The following GRHL2 variants were observed in gnomAD, a reference collection of about 807,000 sequenced individuals.
GRHL2 encodes grainyhead-like protein 2 homolog.
In GRHL2, 21 loss-of-function variants were observed where a neutral mutation model predicts 83.8. The ratio of observed to expected loss-of-function variants is 0.25; its 90% CI spans 0.18 to 0.36. The LOEUF is 0.36. Ranked by LOEUF, GRHL2 falls within the 10% of genes least tolerant of loss-of-function variation. The pLI is 1.00. For missense variants in GRHL2, 623 were observed against 781.8 expected (o/e 0.80, Z 2.42); for synonymous variants, 280 against 278.9 (o/e 1.00, Z -0.04).
Position 101,666,969 on chromosome 8 carries a change from T to G in GRHL2, c.*266T>G. ...TTCCTATTTATTGCCCACCTTTTCCTGGAGCCCAGGTCCAGGCCCGCCAGG... is the reference window on the plus strand; with the variant it reads ...TTCCTATTTATTGCCCACCTTTTCCGGGAGCCCAGGTCCAGGCCCGCCAGG... On this transcript the variant is annotated 3_prime_UTR_variant, in exon 16 of 16. Coordinates refer to ENST00000646743, the MANE Select transcript of GRHL2 (RefSeq NM_024915.4). 1.8e-6 allele frequency: 1 copy of G among 552,898 alleles called. No homozygotes were observed. Among genetic ancestry groups the G allele is most frequent in the Admixed American group, 3.1e-5 (1 of 32,750 alleles). 34.2% of individuals were successfully genotyped at this position (552,898 alleles called of 1,614,324 possible). A position where few individuals can be genotyped will look rare whatever the true frequency, so the allele number is the denominator to read the frequency against.
chr8:101,619,796 C>A, intron 9 of GRHL2, 99 bp downstream of exon 9: 3 of 870,872 alleles, frequency 3.4e-6, no homozygotes, highest in Non-Finnish European at 5.6e-6. Flanking sequence ...CTAGTGGTGT[C>A]AAAATATTCA....
At chr8:101,644,050 A>G in intron 12 of GRHL2, 81 bp from the exon 13 acceptor site, 1 of 1,244,114 alleles carries the variant, frequency 8.0e-7, no homozygotes, top group Non-Finnish European at 1.2e-6. Flanking sequence ...GCAAAGGGAA[A>G]GACAGAAACG....
At chr8:101,598,069 C>T (rs1420443449) in intron 7 of GRHL2, among the ~76,000 whole-genome samples, 1 of 151,940 alleles carries the variant, frequency 6.6e-6, no homozygotes, top group East Asian at 1.9e-4. Context: ...GCAATTCAAA[C>T]CAATATATTC....
intron 15 of GRHL2, among the ~76,000 whole-genome samples, 182 bp downstream of exon 15, chr8:101,664,700 A>AGGGAGGCC: frequency 6.6e-6 from 1 of 152,110 alleles, no homozygotes; most frequent in Non-Finnish European, 1.5e-5. Context: ...AGAGGGAGGG[A>AGGGAGGCC]GGGAGGCAGT....
intron 14 of GRHL2, among the ~76,000 whole-genome samples, chr8:101,651,140 G>A (rs1391265468): frequency 6.6e-6 from 1 of 152,198 alleles, no homozygotes; most frequent in Non-Finnish European, 1.5e-5. Flanking sequence ...ATTGCTAGGG[G>A]ATAGACTAAG....
At chr8:101,492,898 C>A (rs1809994719) in intron 1 of GRHL2, 109 bp downstream of exon 1, 1 of 1,038,734 alleles carries the variant, frequency 9.6e-7, no homozygotes, top group Admixed American at 1.8e-5. Context: ...ATTTTTCTTT[C>A]TTTTTTCTTT....
chr8:101,519,802 G>C (rs538262143), intron 1 of GRHL2, among the ~76,000 whole-genome samples: 44 of 152,054 alleles, frequency 2.9e-4, no homozygotes, highest in Admixed American at 2.4e-3. Flanking sequence ...CAGATAAAAG[G>C]CTTTCTCCCC....
At chr8:101,515,555 A>G (rs1586410449) in intron 1 of GRHL2, among the ~76,000 whole-genome samples, 1 of 152,254 alleles carries the variant, frequency 6.6e-6, no homozygotes, top group East Asian at 1.9e-4. Context: ...TGGGCACTGC[A>G]TTTTCATGTT....
chr8:101,676,097 C>T, the GRHL2 span, among the ~76,000 whole-genome samples: 1 of 151,248 alleles, frequency 6.6e-6, no homozygotes, highest in Non-Finnish European at 1.5e-5. Context: ...GACCTAAAAC[C>T]ATAAAAACCC....
chr8:101,509,648 A>T (rs575662220), intron 1 of GRHL2, among the ~76,000 whole-genome samples: 38 of 152,146 alleles, frequency 2.5e-4, no homozygotes, highest in African/African-American at 4.6e-4. Flanking sequence ...ATATATATAT[A>T]TTTTTTCCTC....
At chr8:101,594,069 C>CAAAAAAAA (rs534396520) in intron 7 of GRHL2, among the ~76,000 whole-genome samples, 1 of 49,082 alleles carries the variant, frequency 2.0e-5, no homozygotes, top group Admixed American at 3.3e-4. Context: ...GAGTCTGTAT[C>CAAAAAAAA]AAAAAAAAAA....
chr8:101,651,818 T>C (rs1269158774), intron 14 of GRHL2, among the ~76,000 whole-genome samples: 1 of 152,198 alleles, frequency 6.6e-6, no homozygotes, highest in African/African-American at 2.4e-5. Flanking sequence ...CTTATGGCAA[T>C]TCTGATTTCA....
At chr8:101,591,517 A>T (rs1301381270) in intron 7 of GRHL2, among the ~76,000 whole-genome samples, 1 of 152,210 alleles carries the variant, frequency 6.6e-6, no homozygotes, top group African/African-American at 2.4e-5. Context: ...GTGCTTCCCA[A>T]GAAACTAGTA....
chr8:101,579,120 C>T (rs182050732), intron 7 of GRHL2, among the ~76,000 whole-genome samples: 22 of 152,188 alleles, frequency 1.4e-4, no homozygotes, highest in South Asian at 4.2e-4. Context: ...GTGACTAGGA[C>T]GGGGATTGGG....
At chr8:101,553,767 G>A (rs1324518982) in intron 3 of GRHL2, among the ~76,000 whole-genome samples, 1 of 151,756 alleles carries the variant, frequency 6.6e-6, no homozygotes, top group Non-Finnish European at 1.5e-5. Context: ...AGCTGGGACT[G>A]CAAGTGCGCA....
At chr8:101,525,394 T>C (rs1810783788) in intron 1 of GRHL2, among the ~76,000 whole-genome samples, 1 of 152,216 alleles carries the variant, frequency 6.6e-6, no homozygotes, top group African/African-American at 2.4e-5. Flanking sequence ...ATATATCATA[T>C]GAAAAATTAA....
chr8:101,548,606 G>A lies in GRHL2; in HGVS notation c.217-4109G>A, dbSNP rs372760971. Among the ~76,000 whole-genome samples the A allele has an allele frequency of 7.2e-5, 11 of 152,302 alleles. No homozygotes were observed. In the South Asian group the frequency reaches 2.3e-3, roughly 32 times the overall value. On this transcript the variant is annotated intron_variant, in intron 2 of 15. Coordinates refer to ENST00000646743, the MANE Select transcript of GRHL2 (RefSeq NM_024915.4). Reference sequence around the variant, plus strand: ...GAGTACAGAATAAAGGCTCTGAGGAGAACAATAATTAAGAGTTGAGTTTGA... The same window carrying A: ...GAGTACAGAATAAAGGCTCTGAGGAAAACAATAATTAAGAGTTGAGTTTGA...
intron 1 of GRHL2, among the ~76,000 whole-genome samples, chr8:101,521,182 C>T (rs1350959374): frequency 3.9e-5 from 6 of 152,090 alleles, no homozygotes; most frequent in African/African-American, 1.4e-4. Flanking sequence ...CAGAAGCTTC[C>T]AGGGCTGCTG....
chr8:101,678,733 C>A, the GRHL2 span, among the ~76,000 whole-genome samples: 2 of 152,094 alleles, frequency 1.3e-5, no homozygotes, highest in African/African-American at 4.8e-5. Context: ...AGCTGGAGAT[C>A]TGAGAACGGG....
Sources: allele counts gnomAD v4.1 joint callset (sites outside exome capture counted in the v4.1 genomes callset), GRCh38; gene constraint gnomAD v4.1.1; transcripts MANE v1.5; gene names NCBI Gene and HGNC (gene_info 2026-07-23, HGNC 2026-07-21).